CDH23: variants seen among roughly 807,000 people sequenced by gnomAD.
CDH23 encodes cadherin-23.
In CDH23, 189 loss-of-function variants were observed where a neutral mutation model predicts 317.1. The observed-to-expected ratio is 0.60, with a 90% confidence interval of 0.53 to 0.67. CDH23 has a LOEUF of 0.67. Ranked by LOEUF, CDH23 falls within the 30% of genes least tolerant of loss-of-function variation. The pLI is 0.00. For synonymous variants in CDH23, 1,839 were observed against 1,876.8 expected (o/e 0.98, Z 0.52); for missense variants, 4,401 against 4,592.4 (o/e 0.96, Z 1.20).
intron 11 of CDH23, among the ~76,000 whole-genome samples, chr10:71,631,100 C>T (rs958482043): frequency 5.9e-5 from 9 of 152,122 alleles, no homozygotes; most frequent in Non-Finnish European, 1.0e-4. Flanking sequence ...TCAAAATTAG[C>T]TAGGCATGGT....
intron 32 of CDH23, 23 bp from the exon 33 acceptor site, chr10:71,734,217 C>T (rs982873765): frequency 6.3e-7 from 1 of 1,584,282 alleles, no homozygotes; most frequent in Non-Finnish European, 8.6e-7. Flanking sequence ...TTGTCACTCA[C>T]CCATCTGGCC....
At chr10:71,654,173 C>T (rs776027907) in intron 14 of CDH23, among the ~76,000 whole-genome samples, 11 of 152,178 alleles carry the variant, frequency 7.2e-5, no homozygotes, top group Non-Finnish European at 1.5e-4. Context: ...GCGACCTGTG[C>T]GGTGGTCTGG....
At chr10:71,761,969 C>T (rs1249756031) in intron 38 of CDH23, 2 of 1,613,628 alleles carry the variant, frequency 1.2e-6, no homozygotes, top group Non-Finnish European at 1.7e-6. Flanking sequence ...GACGTTCTGC[C>T]CCTCGGGACA....
intron 45 of CDH23, 144 bp downstream of exon 45, chr10:71,789,186 G>A (rs557333329): frequency 1.1e-4 from 66 of 588,498 alleles, no homozygotes; most frequent in African/African-American, 8.9e-4. Context: ...GTGCAGCTCC[G>A]GGAGATGGTG....
chr10:71,724,097 T>A lies in CDH23; in HGVS notation c.3422T>A (p.Ile1141Asn). Residue 1141 changes from isoleucine to asparagine, a missense_variant, in exon 29 of 70, where the codon ATC becomes AAC. Physicochemically the swap from Ile to Asn is moderately radical, Grantham distance 149. Around this residue, in one of 3 missense-constraint regions of CDH23, gnomAD observed 3,068 missense variants for 3,203.3 expected, o/e 0.96. Coordinates refer to ENST00000224721, the MANE Select transcript of CDH23 (RefSeq NM_022124.6). Reference sequence around the variant, plus strand: ...GAGTTTGGGCGTGTGTGGTACCGCATCCTCCATGGTAAGTGGGGCTGCCCT... The same window carrying A: ...GAGTTTGGGCGTGTGTGGTACCGCAACCTCCATGGTAAGTGGGGCTGCCCT... ...EGEFGRVWYR[I>N]LHGNHGNNFR... 1.9e-6 allele frequency: 3 copies of A among 1,558,026 alleles called. No homozygotes were observed. The highest frequency in any genetic ancestry group is 2.6e-6 in the Non-Finnish European group (3 of 1,150,488).
At position 71,511,141 on chromosome 10, in the gene CDH23, A is replaced by T. The variant is rs1853956931; in HGVS notation, c.358A>T (p.Ile120Phe). ...CCAGGTGATCACACGGAAGGTGAAC[A>T]TCCAGGTTGGGGATGTGAATGACAA... ...HQGVITRKVN[I>F]QVGDVNDNAP... The change falls in exon 6 of 70, where the codon ATC becomes TTC. Residue 120 changes from isoleucine (I) to phenylalanine (F), a missense_variant. This residue lies in a region of CDH23 where 3,068 missense variants were observed against 3,203.3 expected (regional missense o/e 0.96). Transcript: ENST00000224721. 1 of 1,613,590 alleles carries T rather than the reference A, an allele frequency of 6.2e-7. No individual in the cohort carries two copies. The highest frequency in any genetic ancestry group is 8.5e-7 in the Non-Finnish European group (1 of 1,179,614).
At chr10:71,610,063 G>A (rs921659119) in intron 9 of CDH23, among the ~76,000 whole-genome samples, 2 of 151,988 alleles carry the variant, frequency 1.3e-5, no homozygotes, top group Non-Finnish European at 2.9e-5. Flanking sequence ...GGAGTTCAGT[G>A]GCATGATCTT....
chr10:71,502,074 C>A (rs1489055659), intron 3 of CDH23, among the ~76,000 whole-genome samples: 1 of 152,190 alleles, frequency 6.6e-6, no homozygotes, highest in Non-Finnish European at 1.5e-5. Flanking sequence ...TCCCTCTCTG[C>A]AAAATGAGAA....
chr10:71,551,370 G>C (rs763760248), intron 6 of CDH23, among the ~76,000 whole-genome samples: 1 of 152,118 alleles, frequency 6.6e-6, no homozygotes, highest in African/African-American at 2.4e-5. Context: ...GCCCTTCACT[G>C]GGCACCCCCG....
intron 3 of CDH23, among the ~76,000 whole-genome samples, chr10:71,451,719 G>A (rs2132036627): frequency 6.6e-6 from 1 of 152,336 alleles, no homozygotes; most frequent in East Asian, 1.9e-4. Flanking sequence ...CTGTTACTCA[G>A]TTGCTCTTCT....
chr10:71,568,180 T>C (rs1479640305), intron 7 of CDH23, among the ~76,000 whole-genome samples: 2 of 152,242 alleles, frequency 1.3e-5, no homozygotes, highest in Admixed American at 1.3e-4. Flanking sequence ...CGTTCTTTCC[T>C]TCTCCCCTGT....
At chr10:71,482,910 G>A (rs768478748) in intron 3 of CDH23, among the ~76,000 whole-genome samples, 11 of 152,192 alleles carry the variant, frequency 7.2e-5, no homozygotes, top group South Asian at 6.2e-4. Flanking sequence ...AACAGAAAGC[G>A]TGCCCATTAA....
intron 3 of CDH23, among the ~76,000 whole-genome samples, chr10:71,481,375 T>C (rs1303632039): frequency 6.6e-6 from 1 of 152,074 alleles, no homozygotes. Context: ...ACAGCCACCC[T>C]TGGGAGTCAG....
chr10:71,566,924 G>T lies in CDH23; in HGVS notation c.612G>T (p.Thr204=). 3 of 1,612,536 alleles carry T rather than the reference G, an allele frequency of 1.9e-6. No individual in the cohort carries two copies. Among genetic ancestry groups the T allele is most frequent in the Non-Finnish European group, 1.7e-6 (2 of 1,179,820 alleles). The change falls in exon 7 of 70, where the codon ACG becomes ACT. Residue 204 remains threonine (T), a synonymous_variant. Transcript: ENST00000224721. ...DYETTQAYQL[T]VNATDQDKTR... ...AGACCACACAGGCCTACCAGCTCAC[G>T]GTCAACGCCACAGTGAGTCTCCATG...
intron 18 of CDH23, among the ~76,000 whole-genome samples, chr10:71,687,127 TG>T (rs1231772742): frequency 6.6e-6 from 1 of 152,206 alleles, no homozygotes; most frequent in Non-Finnish European, 1.5e-5. Flanking sequence ...TAGCTGTACC[TG>T]CCAGCAGCCA....
rs372822766 is a variant in CDH23 at position 71,678,059 on chromosome 10, C to T, written c.1752+366C>T. Among the ~76,000 whole-genome samples, 6 of 152,318 alleles carry T rather than the reference C, an allele frequency of 3.9e-5. No individual in the cohort carries two copies. In the East Asian group the frequency reaches 1.2e-3, roughly 29 times the overall value. ...TGTGTTGGGCCTTCTCTGAGCAACG[C>T]CTCATATCCTTGGTACCAAGTGGGG... is the stretch of plus-strand genomic sequence containing the variant. On this transcript the variant is annotated intron_variant, in intron 16 of 69. Coordinates refer to ENST00000224721, the MANE Select transcript of CDH23 (RefSeq NM_022124.6).
chr10:71,483,961 T>C (rs1337970095), intron 3 of CDH23, among the ~76,000 whole-genome samples: 1 of 152,170 alleles, frequency 6.6e-6, no homozygotes, highest in East Asian at 1.9e-4. Context: ...CTGCGGAGCC[T>C]TCAAAGGAGG....
chr10:71,463,062 C>T (rs188688580), intron 3 of CDH23, among the ~76,000 whole-genome samples: 4 of 152,268 alleles, frequency 2.6e-5, no homozygotes, highest in African/African-American at 4.8e-5. Flanking sequence ...GGGAGGGGGG[C>T]GTATATTTTC....
intron 14 of CDH23, among the ~76,000 whole-genome samples, chr10:71,662,748 T>A (rs953830484): frequency 6.6e-6 from 1 of 152,214 alleles, no homozygotes; most frequent in Non-Finnish European, 1.5e-5. Context: ...TGTGAGCTTC[T>A]TGCTCCCTTG....
Sources: gnomAD v4.1 joint callset for allele counts (sites outside exome capture counted in the v4.1 genomes callset) on GRCh38, gnomAD v4.1.1 for gene constraint, gnomAD v4.1.1 regional missense constraint, MANE v1.5 for transcripts, NCBI Gene and HGNC (gene_info 2026-07-23, HGNC 2026-07-21) for gene names.